Variants in AVEN observed in about 807,000 individuals in gnomAD.
The protein encoded by AVEN is apoptosis and caspase activation inhibitor.
Under a neutral mutation model 38.1 loss-of-function variants are expected in AVEN, and 41 were observed. That is an observed-to-expected ratio of 1.08 (90% CI 0.84 to 1.40). The LOEUF is 1.40. Ranked by LOEUF, AVEN falls within the 40% of genes most tolerant of loss-of-function variation. The pLI, the probability that AVEN is intolerant of heterozygous loss-of-function variation, is 0.00. For missense variants in AVEN, 605 were observed against 438.8 expected (o/e 1.38, Z -3.38); for synonymous variants, 206 against 171.8 (o/e 1.20, Z -1.56).
At chr15:33,951,522 T>A (rs1414269390) in intron 2 of AVEN, among the ~76,000 whole-genome samples, 1 of 149,980 alleles carries the variant, frequency 6.7e-6, no homozygotes, top group Non-Finnish European at 1.5e-5. Flanking sequence ...GTAACAAACC[T>A]GCACGTTGTG....
chr15:34,007,452 C>G (rs116573318), intron 1 of AVEN, among the ~76,000 whole-genome samples: 3,483 of 152,284 alleles, frequency 0.023, 146 homozygotes, highest in African/African-American at 0.08. Context: ...AAACCAGGCA[C>G]GCTTTTCCTC....
intron 5 of AVEN, chr15:34,062,894 C>T: frequency 6.2e-7 from 1 of 1,614,168 alleles, no homozygotes; most frequent in South Asian, 1.1e-5. Flanking sequence ...AAGTCAACAG[C>T]CAGCTCAAGA....
At chr15:33,984,239 C>G (rs904015108) in intron 2 of AVEN, among the ~76,000 whole-genome samples, 3 of 152,066 alleles carry the variant, frequency 2.0e-5, no homozygotes, top group African/African-American at 7.2e-5. Flanking sequence ...CGGAAATTCA[C>G]TGTATTATCT....
At chr15:33,899,659 G>A (rs1458346760) in intron 2 of AVEN, among the ~76,000 whole-genome samples, 1 of 151,382 alleles carries the variant, frequency 6.6e-6, no homozygotes, top group African/African-American at 2.4e-5. Flanking sequence ...GTAGAGACAG[G>A]GTTTCACCAT....
At chr15:33,864,157 A>G, downstream of AVEN, 1 of 1,612,144 alleles carries the variant, frequency 6.2e-7, no homozygotes, top group Non-Finnish European at 8.5e-7. Flanking sequence ...GATGTATTTG[A>G]TTAATAAAGA....
chr15:33,925,376 A>G (rs1893571534), intron 2 of AVEN, among the ~76,000 whole-genome samples: 1 of 152,234 alleles, frequency 6.6e-6, no homozygotes, highest in African/African-American at 2.4e-5. Context: ...GAATTAAGAT[A>G]AAATTGGTGG....
chr15:33,901,981 T>A (rs1053757748), intron 2 of AVEN, among the ~76,000 whole-genome samples: 1 of 152,204 alleles, frequency 6.6e-6, no homozygotes, highest in Non-Finnish European at 1.5e-5. Context: ...TTCCATTTTG[T>A]TGACTGGTTT....
intron 2 of AVEN, among the ~76,000 whole-genome samples, chr15:33,958,516 A>G (rs1417657384): frequency 6.6e-6 from 1 of 151,536 alleles, no homozygotes; most frequent in Non-Finnish European, 1.5e-5. Context: ...ACTTGAACTC[A>G]GGAGGCAGAG....
chr15:33,890,175 A>AGTAGTCTG (rs1891878835), intron 2 of AVEN, among the ~76,000 whole-genome samples: 1 of 152,146 alleles, frequency 6.6e-6, no homozygotes. Flanking sequence ...TTATATGTTC[A>AGTAGTCTG]GTAGTCTGAG....
chr15:33,854,348 C>G (rs752822202), downstream of AVEN: 4 of 1,521,164 alleles, frequency 2.6e-6, no homozygotes, highest in South Asian at 1.2e-5. Context: ...TTAACTACCT[C>G]TTGACATTTA....
intron 5 of AVEN, among the ~76,000 whole-genome samples, chr15:34,050,636 A>C (rs551486340): frequency 6.6e-5 from 10 of 152,234 alleles, no homozygotes; most frequent in Non-Finnish European, 1.2e-4. Flanking sequence ...ACATAGGCTC[A>C]AAATAAAGGA....
At chr15:33,892,993 T>C (rs1358656615) in intron 2 of AVEN, among the ~76,000 whole-genome samples, 1 of 152,218 alleles carries the variant, frequency 6.6e-6, no homozygotes, top group African/African-American at 2.4e-5. Context: ...CAATTGTGAA[T>C]GGGAGTTCAC....
chr15:33,940,745 T>C lies in AVEN; in HGVS notation c.445+62287A>G, dbSNP rs542085283. On this transcript the variant is annotated intron_variant, in intron 2 of 5. Transcript: ENST00000306730. ...TTAGTAGAGATGGGGTTTCACCATGTTGGCCAGGCTGGTCTCAAACTCTTG... is the reference window on the plus strand; with the variant it reads ...TTAGTAGAGATGGGGTTTCACCATGCTGGCCAGGCTGGTCTCAAACTCTTG... Among the ~76,000 whole-genome samples, 16 of 152,290 alleles carry C rather than the reference T, an allele frequency of 1.1e-4. 1 individual carries two copies. In the South Asian group the frequency reaches 2.5e-3, roughly 24 times the overall value.
At chr15:33,912,857 G>A (rs1892965054) in intron 2 of AVEN, among the ~76,000 whole-genome samples, 1 of 151,278 alleles carries the variant, frequency 6.6e-6, no homozygotes, top group Non-Finnish European at 1.5e-5. Context: ...AACTGGCTAT[G>A]TTGTTTAAAG....
At chr15:33,861,419 A>G (rs886282331), downstream of AVEN, among the ~76,000 whole-genome samples, 3 of 151,942 alleles carry the variant, frequency 2.0e-5, no homozygotes, top group African/African-American at 4.8e-5. Flanking sequence ...TCCATCCGGG[A>G]CACATACCTC....
intron 2 of AVEN, among the ~76,000 whole-genome samples, chr15:33,989,483 A>AC (rs1896625540): frequency 6.6e-6 from 1 of 151,858 alleles, no homozygotes; most frequent in South Asian, 2.1e-4. Flanking sequence ...GACAACCAAA[A>AC]CCAAAACTAA....
intron 2 of AVEN, among the ~76,000 whole-genome samples, chr15:33,992,880 A>G (rs1896788516): frequency 6.6e-6 from 1 of 152,266 alleles, no homozygotes; most frequent in Non-Finnish European, 1.5e-5. Context: ...TTTTCATAAA[A>G]TTAAATTGAA....
intron 2 of AVEN, among the ~76,000 whole-genome samples, chr15:33,930,175 A>G (rs1484156097): frequency 6.6e-6 from 1 of 152,204 alleles, no homozygotes; most frequent in Non-Finnish European, 1.5e-5. Context: ...TTCTTCTGCC[A>G]TCTTTCTCCA....
At chr15:34,027,430 G>A (rs1197402109) in intron 1 of AVEN, among the ~76,000 whole-genome samples, 4 of 151,920 alleles carry the variant, frequency 2.6e-5, no homozygotes, top group Middle Eastern at 3.2e-3. Context: ...ACAGGAGGCT[G>A]AGGCAGGAGA....
Sources: gnomAD v4.1 joint callset for allele counts (sites outside exome capture counted in the v4.1 genomes callset) on GRCh38, gnomAD v4.1.1 for gene constraint, MANE v1.5 for transcripts, NCBI Gene and HGNC (gene_info 2026-07-23, HGNC 2026-07-21) for gene names.